CSRNP3: variants seen among roughly 807,000 people sequenced by gnomAD.
CSRNP3 encodes the protein cysteine/serine-rich nuclear protein 3.
Under a neutral mutation model 48.0 loss-of-function variants are expected in CSRNP3, and 12 were observed. The observed-to-expected ratio is 0.25, with a 90% CI of 0.16 to 0.41. The LOEUF (loss-of-function observed/expected upper bound fraction) is 0.41. CSRNP3 is among the 10% of genes least tolerant of loss of function. The pLI is 1.00. For synonymous variants in CSRNP3, 263 were observed against 269.7 expected, an observed-to-expected ratio of 0.98 and a Z score of 0.24; for missense variants, 580 against 724.4, an observed-to-expected ratio of 0.80 and a Z score of 2.29.
intron 4 of CSRNP3, among the ~76,000 whole-genome samples, chr2:165,628,628 G>T (rs2105324689): frequency 6.6e-6 from 1 of 152,280 alleles, no homozygotes; most frequent in East Asian, 1.9e-4. Context: ...GGAGGCTGAG[G>T]CAGGAGAATC....
Position 165,572,734 on chromosome 2 carries a change from C to A in CSRNP3, c.-23-22309C>A, listed in dbSNP as rs188549369. On this transcript the variant is annotated intron_variant, in intron 3 of 6. Coordinates refer to ENST00000651982, the MANE Select transcript of CSRNP3 (RefSeq NM_001172173.2). ...AGGATGCACTTGAATTGACCCAATGCGATTAAATTGTCGATGTAGTCAGAT... is the reference window on the plus strand; with the variant it reads ...AGGATGCACTTGAATTGACCCAATGAGATTAAATTGTCGATGTAGTCAGAT... 3.9e-5 allele frequency: 6 copies of A among 152,136 alleles called. No individual in the cohort carries two copies. The East Asian group carries it at 1.2e-3, about 29-fold the overall frequency. The allele number at this position is 152,136 out of a possible 1,614,324, so 9.4% of individuals were successfully genotyped here.
intron 4 of CSRNP3, among the ~76,000 whole-genome samples, chr2:165,615,039 A>T (rs544259043): frequency 6.6e-6 from 1 of 152,210 alleles, no homozygotes; most frequent in South Asian, 2.1e-4. Flanking sequence ...TTCTTCAGCC[A>T]TTGGATTTAA....
chr2:165,645,032 CTT>C, intron 4 of CSRNP3, among the ~76,000 whole-genome samples: 1 of 151,994 alleles, frequency 6.6e-6, no homozygotes, highest in East Asian at 1.9e-4. Context: ...TCTGGGGTCT[CTT>C]TATAAAAAGG....
chr2:165,500,951 C>T (rs1371575312), intron 2 of CSRNP3, among the ~76,000 whole-genome samples: 1 of 152,118 alleles, frequency 6.6e-6, no homozygotes, highest in African/African-American at 2.4e-5. Flanking sequence ...ATGATTTCCT[C>T]CAAAGATGCT....
At chr2:165,606,399 C>A (rs903795634) in intron 4 of CSRNP3, among the ~76,000 whole-genome samples, 6 of 147,854 alleles carry the variant, frequency 4.1e-5, no homozygotes, top group Admixed American at 4.0e-4. Context: ...GACATAGAAC[C>A]TGAGCAGATA....
At chr2:165,482,770 C>T (rs1684064447) in intron 1 of CSRNP3, among the ~76,000 whole-genome samples, 1 of 152,164 alleles carries the variant, frequency 6.6e-6, no homozygotes, top group African/African-American at 2.4e-5. Context: ...TCAATGTTCT[C>T]ATTTAGGAGT....
At position 165,481,119 on chromosome 2, in the gene CSRNP3, A is replaced by G. The variant is rs1684037145; in HGVS notation, c.-283+11379A>G. Among the ~76,000 whole-genome samples, 2 of 152,178 alleles carry G rather than the reference A, an allele frequency of 1.3e-5. 1 individual carries two copies. The highest frequency in any genetic ancestry group is 4.1e-4 in the South Asian group (2 of 4,830). ...AATATCATGGCCTAGTTATTCAATG[A>G]AATACAATGTATTAGACACAAAACC... is the stretch of plus-strand genomic sequence containing the variant. On this transcript the variant is annotated intron_variant, in intron 1 of 6. Transcript: ENST00000651982.
chr2:165,596,488 G>A (rs1332981458), intron 4 of CSRNP3, among the ~76,000 whole-genome samples: 2 of 152,098 alleles, frequency 1.3e-5, no homozygotes, highest in African/African-American at 2.4e-5. Flanking sequence ...CTCAATAGCT[G>A]TTGAACATGA....
intron 4 of CSRNP3, among the ~76,000 whole-genome samples, chr2:165,606,366 C>CA (rs1229143916): frequency 0.065 from 4,100 of 62,966 alleles, 117 homozygotes; most frequent in African/African-American, 0.095. Context: ...GCTAATGCAG[C>CA]AAAAAAAAAA....
intron 4 of CSRNP3, among the ~76,000 whole-genome samples, chr2:165,653,972 CAAAAAAAAAAAAAA>C (rs71028497): frequency 3.2e-4 from 13 of 41,224 alleles, no homozygotes; most frequent in East Asian, 1.4e-3. Context: ...AGCTCTATCA[CAAAAAAAAAAAAAA>C]AAAAAAAAAA....
At position 165,679,851 on chromosome 2, in the gene CSRNP3, A is replaced by G. The variant is rs968374355; in HGVS notation, c.*98A>G. On this transcript the variant is annotated 3_prime_UTR_variant, in exon 7 of 7. Transcript: ENST00000651982. ...TCATTGTTTAAACTGAAGACCAAGA[A>G]AACTTGGACGGTGGTTAATCTTCCA... 2.7e-6 allele frequency: 4 copies of G among 1,494,350 alleles called. No individual in the cohort carries two copies. The Admixed American group carries it at 6.7e-5, about 25-fold the overall frequency. 92.6% of individuals were successfully genotyped at this position (1,494,350 alleles called of 1,614,324 possible). A position where few individuals can be genotyped will look rare whatever the true frequency, so the allele number is the denominator to read the frequency against.
chr2:165,522,874 A>G (rs1684682007), intron 3 of CSRNP3, among the ~76,000 whole-genome samples: 1 of 152,004 alleles, frequency 6.6e-6, no homozygotes, highest in Non-Finnish European at 1.5e-5. Context: ...ACTCACATTC[A>G]TGAGTGCTAC....
chr2:165,471,061 T>G (rs1215288902), intron 1 of CSRNP3, among the ~76,000 whole-genome samples: 1 of 151,966 alleles, frequency 6.6e-6, no homozygotes, highest in East Asian at 1.9e-4. Context: ...GACACAAATA[T>G]AATAGTTCTT....
chr2:165,627,227 T>C (rs994142539), intron 4 of CSRNP3, among the ~76,000 whole-genome samples: 1 of 152,194 alleles, frequency 6.6e-6, no homozygotes, highest in African/African-American at 2.4e-5. Flanking sequence ...AGAATACCTT[T>C]ACCTCTGAAG....
intron 4 of CSRNP3, among the ~76,000 whole-genome samples, chr2:165,596,380 T>A (rs1278037719): frequency 1.3e-5 from 2 of 152,134 alleles, no homozygotes; most frequent in African/African-American, 4.8e-5. Flanking sequence ...TTAGTTAATG[T>A]TATTAATATA....
intron 1 of CSRNP3, among the ~76,000 whole-genome samples, chr2:165,493,931 T>C (rs915375291): frequency 2.0e-5 from 3 of 152,136 alleles, no homozygotes; most frequent in Non-Finnish European, 4.4e-5. Context: ...TTGCAACCCA[T>C]GATCACCTTC....
At chr2:165,473,522 T>C (rs534064665) in intron 1 of CSRNP3, among the ~76,000 whole-genome samples, 2 of 152,288 alleles carry the variant, frequency 1.3e-5, no homozygotes, top group East Asian at 1.9e-4. Flanking sequence ...ATTTGTACTA[T>C]AGTACATCAC....
intron 4 of CSRNP3, among the ~76,000 whole-genome samples, chr2:165,619,994 G>A (rs548718943): frequency 2.0e-5 from 3 of 152,196 alleles, no homozygotes; most frequent in Non-Finnish European, 2.9e-5. Flanking sequence ...CAAAGAAAAC[G>A]CATTTCTCCT....
rs1274676997 is a variant in CSRNP3, at chr2:165,613,939, T to C, written c.148+18726T>C. On this transcript the variant is annotated intron_variant, in intron 4 of 6. Coordinates refer to ENST00000651982, the MANE Select transcript of CSRNP3 (RefSeq NM_001172173.2). ...GTTTTTTTTTTTATTCTGTGAAGAA[T>C]GTCATTGGTGTTTGATAGAGATTGC... Among the ~76,000 whole-genome samples, 6 of 152,144 alleles carry C rather than the reference T, an allele frequency of 3.9e-5. No individual in the cohort carries two copies. In the East Asian group the frequency reaches 1.2e-3, roughly 29 times the overall value.
Sources: gnomAD v4.1 joint callset for allele counts (sites outside exome capture counted in the v4.1 genomes callset) on GRCh38, gnomAD v4.1.1 for gene constraint, MANE v1.5 for transcripts, NCBI Gene and HGNC (gene_info 2026-07-23, HGNC 2026-07-21) for gene names.